Variants in GLRA3 observed in about 807,000 individuals in gnomAD.
The protein encoded by GLRA3 is glycine receptor alpha 3, also known as glycine receptor subunit alpha-3.
A neutral mutation model predicts 60.4 loss-of-function variants in GLRA3; 44 were observed. That is an observed-to-expected ratio of 0.73 (90% CI 0.57 to 0.94). The LOEUF is 0.94. GLRA3 is among the 40% of genes least tolerant of loss of function. The pLI is 0.00. For synonymous variants in GLRA3, 223 were observed against 192.9 expected (o/e 1.16, Z -1.29); for missense variants, 508 against 564.6 (o/e 0.90, Z 1.02).
chr4:174,784,909 A>G (rs879642949), intron 2 of GLRA3, among the ~76,000 whole-genome samples: 31 of 152,154 alleles, frequency 2.0e-4, no homozygotes, highest in Non-Finnish European at 4.3e-4. Context: ...GTTTCAGATA[A>G]ATTAATACTA....
chr4:174,743,656 A>T (rs928775351), intron 3 of GLRA3, among the ~76,000 whole-genome samples: 6 of 152,144 alleles, frequency 3.9e-5, no homozygotes, highest in Non-Finnish European at 5.9e-5. Flanking sequence ...ACCTGCCAGG[A>T]TGATTCATGG....
chr4:174,702,453 G>C (rs942640211), intron 5 of GLRA3, among the ~76,000 whole-genome samples: 2 of 152,084 alleles, frequency 1.3e-5, no homozygotes, highest in African/African-American at 2.4e-5. Context: ...AACTGAACCA[G>C]CAATAGCTCT....
chr4:174,780,246 T>C (rs1332474836), intron 2 of GLRA3, among the ~76,000 whole-genome samples: 2 of 143,842 alleles, frequency 1.4e-5, no homozygotes, highest in Non-Finnish European at 3.1e-5. Flanking sequence ...TAAAATACTT[T>C]ACAGACAAGC....
At chr4:174,673,664 T>C (rs1733993652) in intron 7 of GLRA3, among the ~76,000 whole-genome samples, 3 of 152,148 alleles carry the variant, frequency 2.0e-5, no homozygotes, top group Admixed American at 2.0e-4. Flanking sequence ...TTTCTTCCAC[T>C]AGAAAAATCA....
At chr4:174,824,980 C>T (rs952999254) in intron 1 of GLRA3, among the ~76,000 whole-genome samples, 1 of 151,962 alleles carries the variant, frequency 6.6e-6, no homozygotes, top group Non-Finnish European at 1.5e-5. Flanking sequence ...GATTGACTTG[C>T]CTCAGTACAC....
At chr4:174,696,148 T>C (rs1325644605) in intron 5 of GLRA3, among the ~76,000 whole-genome samples, 2 of 151,748 alleles carry the variant, frequency 1.3e-5, no homozygotes, top group African/African-American at 4.8e-5. Context: ...AGAATCAATA[T>C]CATTAAAAAA....
In GLRA3 at chr4:174,820,400, T is replaced by G. The variant is rs369443071; in HGVS notation, c.71+8341A>C. On this transcript the variant is annotated intron_variant, in intron 1 of 9. Coordinates refer to ENST00000274093, the MANE Select transcript of GLRA3 (RefSeq NM_006529.4). ...AAGAAATAGTGCTTCATGACAGAAATTAGTGAGCTCTTTCAGCATGCTAGA... is the reference window on the plus strand; with the variant it reads ...AAGAAATAGTGCTTCATGACAGAAAGTAGTGAGCTCTTTCAGCATGCTAGA... Among the ~76,000 whole-genome samples, 22 of 152,234 alleles carry G rather than the reference T, an allele frequency of 1.4e-4. No homozygotes were observed. In the East Asian group the frequency reaches 4.1e-3, roughly 28 times the overall value.
rs550185765 is a variant in GLRA3, at chr4:174,689,730, A to G, written c.575-6791T>C. Among the ~76,000 whole-genome samples, 253 of 146,036 alleles carry G rather than the reference A, an allele frequency of 1.7e-3. 1 individual carries two copies. The highest frequency in any genetic ancestry group is 6.0e-3 in the Admixed American group (86 of 14,420). On this transcript the variant is annotated intron_variant, in intron 5 of 9. Transcript: ENST00000274093. ...TGTAAACAGGCTAAATGCCCCACTT[A>G]AAAGGCACAGAGTGGTAAGTCGCAT...
intron 7 of GLRA3, among the ~76,000 whole-genome samples, chr4:174,667,479 G>T (rs940758181): frequency 1.3e-5 from 2 of 152,036 alleles, no homozygotes; most frequent in African/African-American, 4.8e-5. Flanking sequence ...ATTAATTAGG[G>T]TATGACAAAG....
At chr4:174,814,667 A>AAG (rs1224888188) in intron 1 of GLRA3, among the ~76,000 whole-genome samples, 1 of 152,186 alleles carries the variant, frequency 6.6e-6, no homozygotes, top group African/African-American at 2.4e-5. Flanking sequence ...GCAGCAGACA[A>AAG]AGAGAGAGAG....
At chr4:174,721,482 ACATATAT>A (rs1229302883) in intron 4 of GLRA3, among the ~76,000 whole-genome samples, 2 of 122,452 alleles carry the variant, frequency 1.6e-5, no homozygotes, top group East Asian at 2.2e-4. Flanking sequence ...AACATATATA[ACATATAT>A]AAACAAGTAA....
chr4:174,790,703 G>T (rs570764389), intron 1 of GLRA3, among the ~76,000 whole-genome samples: 3 of 151,492 alleles, frequency 2.0e-5, no homozygotes, highest in Admixed American at 6.6e-5. Flanking sequence ...GACGATGGCC[G>T]GGTGCGGTGG....
At position 174,793,671 on chromosome 4, in the gene GLRA3, C is replaced by A. The variant is rs1331356663; in HGVS notation, c.72-4728G>T. 3.3e-5 allele frequency among the ~76,000 whole-genome samples: 5 copies of A among 152,010 alleles called. No homozygotes were observed. In the East Asian group the frequency reaches 9.6e-4, roughly 29 times the overall value. On this transcript the variant is annotated intron_variant, in intron 1 of 9. Transcript: ENST00000274093. ...CCTGCCAAAGCACTGGAATTAGAGGCATGAGCCACTGCACCTGGCCACGAT... is the reference window on the plus strand; with the variant it reads ...CCTGCCAAAGCACTGGAATTAGAGGAATGAGCCACTGCACCTGGCCACGAT...
intron 2 of GLRA3, among the ~76,000 whole-genome samples, chr4:174,778,545 T>C (rs1433264244): frequency 6.6e-6 from 1 of 152,172 alleles, no homozygotes; most frequent in African/African-American, 2.4e-5. Context: ...GGGTGATTTC[T>C]GCATTTCCAC....
At chr4:174,802,615 A>G (rs1262825177) in intron 1 of GLRA3, among the ~76,000 whole-genome samples, 1 of 152,004 alleles carries the variant, frequency 6.6e-6, no homozygotes, top group Non-Finnish European at 1.5e-5. Context: ...CCAAATAAAG[A>G]CTTTCTTTCC....
intron 5 of GLRA3, among the ~76,000 whole-genome samples, chr4:174,710,347 A>G (rs1735673154): frequency 6.6e-6 from 1 of 152,128 alleles, no homozygotes. Flanking sequence ...CACAAAAAAC[A>G]CAGCACAGTT....
intron 7 of GLRA3, among the ~76,000 whole-genome samples, 173 bp downstream of exon 7, chr4:174,676,905 T>G (rs1217153836): frequency 2.0e-5 from 3 of 152,222 alleles, no homozygotes; most frequent in Non-Finnish European, 4.4e-5. Context: ...TTGCAGAATT[T>G]TTTTCATTTA....
At chr4:174,694,284 C>T (rs1220877231) in intron 5 of GLRA3, among the ~76,000 whole-genome samples, 1 of 152,136 alleles carries the variant, frequency 6.6e-6, no homozygotes, top group Non-Finnish European at 1.5e-5. Flanking sequence ...ACAGAATATA[C>T]TTTCTTCTCT....
At chr4:174,775,765 A>T (rs1738572413) in intron 2 of GLRA3, among the ~76,000 whole-genome samples, 1 of 152,200 alleles carries the variant, frequency 6.6e-6, no homozygotes, top group Admixed American at 6.5e-5. Context: ...GTTTCAGATG[A>T]CACCTTGAAG....
Sources: allele counts gnomAD v4.1 joint callset (sites outside exome capture counted in the v4.1 genomes callset), GRCh38; gene constraint gnomAD v4.1.1; transcripts MANE v1.5; gene names NCBI Gene and HGNC (gene_info 2026-07-23, HGNC 2026-07-21).